Variants in CEP290 observed in about 807,000 individuals in gnomAD.
The protein encoded by CEP290 is centrosomal protein 290, also known as centrosomal protein of 290 kDa.
A neutral mutation model predicts 344.9 loss-of-function variants in CEP290; 317 were observed. The ratio of observed to expected loss-of-function variants is 0.92; its 90% confidence interval spans 0.84 to 1.01. CEP290 has a LOEUF of 1.01. Ranked by LOEUF, CEP290 falls within the 50% of genes least tolerant of loss-of-function variation. The pLI is 0.00. For missense variants in CEP290, 2,754 were observed against 2,761.4 expected, an observed-to-expected ratio of 1.00 and a Z score of 0.06; for synonymous variants, 932 against 895.8, an observed-to-expected ratio of 1.04 and a Z score of -0.72.
chr12:88,086,167 C>T lies in CEP290; in HGVS notation c.4309G>A (p.Glu1437Lys). 1 of 1,608,730 alleles carries T rather than the reference C, an allele frequency of 6.2e-7. No homozygotes were observed. The highest frequency in any genetic ancestry group is 1.7e-4 in the Middle Eastern group (1 of 6,046). ...GGGTCAGGGATTGATCCTGTAGCTTCTTCAAACTATTAAGAAATAGTATGT... is the reference window on the plus strand; with the variant it reads ...GGGTCAGGGATTGATCCTGTAGCTTTTTCAAACTATTAAGAAATAGTATGT... ...EILNAAQKFE[E>K]ATGSIPDPSL... The change falls in exon 34 of 54, where the codon GAA becomes AAA. Residue 1437 changes from glutamate (E) to lysine (K), a missense_variant. By Grantham distance (56) the Glu-to-Lys change is moderately conservative. Coordinates refer to ENST00000552810, the MANE Select transcript of CEP290 (RefSeq NM_025114.4).
In CEP290 at chr12:88,139,506, T is replaced by C; in HGVS notation, c.239A>G (p.Gln80Arg). Residue 80 changes from glutamine (Q) to arginine (R), a missense_variant, in exon 4 of 54, where the codon CAA becomes CGA. Coordinates refer to ENST00000552810, the MANE Select transcript of CEP290 (RefSeq NM_025114.4). ...TCCAAGGTGCTTACCAAATTTTGCT[T>C]GTTCTTCTCCAGCTTTTTCTACTTC... is the stretch of plus-strand genomic sequence containing the variant. ...LEEVEKAGEE[Q>R]AKFENQLKTK... 1 of 1,599,814 alleles carries C rather than the reference T, an allele frequency of 6.3e-7. No individual in the cohort carries two copies. Among genetic ancestry groups the C allele is most frequent in the Non-Finnish European group, 8.5e-7 (1 of 1,173,896 alleles).
chr12:88,097,517 T>C lies in CEP290; in HGVS notation c.2992-518A>G, dbSNP rs146986596. 7.5e-3 allele frequency among the ~76,000 whole-genome samples: 1,137 copies of C among 152,008 alleles called. 19 individuals are homozygous for C. Among genetic ancestry groups the C allele is most frequent in the African/African-American group, 0.026 (1,092 of 41,414 alleles). On this transcript the variant is annotated intron_variant, in intron 26 of 53. Transcript: ENST00000552810. ...CTGTGAGTCAATTAAACCTCTTTCC[T>C]TTATAAATTACCCAGTCTCAGGTAT...
chr12:88,118,044 TTAATAATAA>T (rs537270767), intron 17 of CEP290, among the ~76,000 whole-genome samples: 1 of 150,092 alleles, frequency 6.7e-6, no homozygotes, highest in Non-Finnish European at 1.5e-5. Flanking sequence ...ATCTCAAATA[TTAATAATAA>T]TAATAATAAT....
intron 28 of CEP290, 33 bp from the exon 29 acceptor site, chr12:88,092,865 A>C: frequency 6.2e-7 from 1 of 1,600,200 alleles, no homozygotes; most frequent in Non-Finnish European, 8.5e-7. Context: ...GTTCAGATAC[A>C]TCAATTTTTG....
chr12:88,128,322 T>C (rs1361578675), intron 11 of CEP290, among the ~76,000 whole-genome samples: 1 of 152,172 alleles, frequency 6.6e-6, no homozygotes, highest in African/African-American at 2.4e-5. Flanking sequence ...ACAAGATTTA[T>C]GTGAACCATA....
chr12:88,071,912 T>G lies in CEP290; in HGVS notation c.5724A>C (p.Glu1908Asp), dbSNP rs769370948. The change falls in exon 42 of 54, where the codon GAA becomes GAC. Residue 1908 changes from glutamate to aspartate, a missense_variant. Coordinates refer to ENST00000552810, the MANE Select transcript of CEP290 (RefSeq NM_025114.4). ...KPMKEKNAKE[E>D]LIRWEEGKKW... The stretch of plus-strand genomic sequence containing the variant: ...TTTTACCTTCTTCCCACCTAATTAA[T>G]TCTTCTTTAGCATTCTGTAACAATA... 6.3e-6 allele frequency: 10 copies of G among 1,595,312 alleles called. No homozygotes were observed. The African/African-American group carries it at 1.4e-4, about 22-fold the overall frequency.
intron 32 of CEP290, among the ~76,000 whole-genome samples, chr12:88,086,801 A>C (rs1239189858): frequency 6.6e-6 from 1 of 152,188 alleles, no homozygotes; most frequent in Non-Finnish European, 1.5e-5. Flanking sequence ...TAGGAAATAC[A>C]AACATGGCAG....
At chr12:88,065,156 T>A in intron 44 of CEP290, among the ~76,000 whole-genome samples, 1 of 151,910 alleles carries the variant, frequency 6.6e-6, no homozygotes, top group Non-Finnish European at 1.5e-5. Context: ...TAGGAAATAA[T>A]TTTTTTTAAT....
intron 29 of CEP290, 84 bp downstream of exon 29, chr12:88,092,597 T>C: frequency 8.5e-7 from 1 of 1,178,152 alleles, no homozygotes; most frequent in Admixed American, 2.7e-5. Flanking sequence ...CTACTAAGAA[T>C]TGTATACCTG....
intron 17 of CEP290, among the ~76,000 whole-genome samples, chr12:88,117,713 T>A (rs551234813): frequency 6.6e-6 from 1 of 152,290 alleles, no homozygotes; most frequent in East Asian, 1.9e-4. Flanking sequence ...TAATTTATAT[T>A]CAATAAAACA....
intron 43 of CEP290, among the ~76,000 whole-genome samples, chr12:88,069,533 G>A (rs774593646): frequency 2.2e-4 from 34 of 152,086 alleles, no homozygotes; most frequent in Non-Finnish European, 4.1e-4. Flanking sequence ...TCCACTGCTG[G>A]AACAAGAGAG....
intron 44 of CEP290, among the ~76,000 whole-genome samples, chr12:88,064,788 T>C (rs7958714): frequency 0.093 from 14,091 of 152,126 alleles, 1,655 homozygotes; most frequent in African/African-American, 0.27. Flanking sequence ...GATTTTGGAC[T>C]TCTAGGTCTC....
intron 41 of CEP290, among the ~76,000 whole-genome samples, chr12:88,076,183 CTT>C (rs2035758214): frequency 6.6e-6 from 1 of 152,218 alleles, no homozygotes; most frequent in African/African-American, 2.4e-5. Flanking sequence ...ATTAAGGACA[CTT>C]TGATCTTACA....
chr12:88,089,629 AT>A (rs2036866093), intron 30 of CEP290, 142 bp from the exon 31 acceptor site: 1 of 541,918 alleles, frequency 1.8e-6, no homozygotes, highest in African/African-American at 1.9e-5. Context: ...CTTTGCTTTA[AT>A]ACAAATAATT....
chr12:88,085,940 C>T (rs2036542431), intron 34 of CEP290, 99 bp downstream of exon 34: 3 of 1,071,624 alleles, frequency 2.8e-6, no homozygotes, highest in Middle Eastern at 2.9e-4. Flanking sequence ...GCAATAGATT[C>T]ATCATTCTAT....
At position 88,053,703 on chromosome 12, in the gene CEP290, G is replaced by GGATTA. The variant is rs1294402003; in HGVS notation, c.7073_7077dup (p.His2360Ter). Reference sequence around the variant, plus strand: ...TGGTCCTTGTTAGCTTCTATCTGATGGATTAATTCTGCTTTCTCTTTATCC... The same window carrying GGATTA: ...TGGTCCTTGTTAGCTTCTATCTGATGGATTAGATTAATTCTGCTTTCTCTTTATCC... On this transcript the variant is annotated stop_gained and frameshift_variant, in exon 52 of 54. Transcript: ENST00000552810. LOFTEE classifies it high-confidence loss of function. 11 of 1,551,204 alleles carry GGATTA rather than the reference G, an allele frequency of 7.1e-6. No homozygotes were observed. In the Admixed American group the frequency reaches 9.5e-5, roughly 13 times the overall value.
intron 6 of CEP290, among the ~76,000 whole-genome samples, chr12:88,133,424 T>C (rs2040193685): frequency 6.6e-6 from 1 of 152,174 alleles, no homozygotes; most frequent in African/African-American, 2.4e-5. Context: ...TATTCTATGA[T>C]GTATATGTTC....
At chr12:88,123,311 A>C (rs1301614280) in intron 13 of CEP290, among the ~76,000 whole-genome samples, 5 of 151,874 alleles carry the variant, frequency 3.3e-5, no homozygotes, top group Non-Finnish European at 7.4e-5. Context: ...TCAAGCTACC[A>C]CCTTGTTTTC....
intron 44 of CEP290, among the ~76,000 whole-genome samples, chr12:88,067,302 A>G (rs1182107064): frequency 2.0e-5 from 3 of 152,182 alleles, no homozygotes; most frequent in Non-Finnish European, 4.4e-5. Flanking sequence ...GATAAAGTTT[A>G]CTAATAGTTA....
Sources: gnomAD v4.1 joint callset for allele counts (sites outside exome capture counted in the v4.1 genomes callset) on GRCh38, gnomAD v4.1.1 for gene constraint, MANE v1.5 for transcripts, NCBI Gene and HGNC (gene_info 2026-07-23, HGNC 2026-07-21) for gene names.